KAT14: variants seen among roughly 807,000 people sequenced by gnomAD.
KAT14 encodes the protein cysteine-rich protein 2-binding protein.
A neutral mutation model predicts 78.4 loss-of-function variants in KAT14; 66 were observed. The observed-to-expected ratio is 0.84, with a 90% CI of 0.69 to 1.03. The LOEUF (loss-of-function observed/expected upper bound fraction) is 1.03, where lower values mean the gene tolerates loss of function less well. Among genes scored for constraint, KAT14 ranks in the 50% least tolerant of loss-of-function variants. KAT14 has a pLI of 0.00. For missense variants in KAT14, 870 were observed against 972.5 expected (o/e 0.89, Z 1.40); for synonymous variants, 344 against 359.4 (o/e 0.96, Z 0.48).
chr20:18,137,765 T>G (rs530956380), upstream of KAT14: 1 of 520,310 alleles, frequency 1.9e-6, no homozygotes, highest in Middle Eastern at 5.4e-4. Context: ...CAAGAGTTCG[T>G]AGAGCCTGGG....
chr20:18,187,508 T>A lies in KAT14; in HGVS notation c.*49T>A. ...CGCATGTGCTATTGGAGAACAGGTC[T>A]TTGTGGAGATCTAAAGGCAGTGATT... On this transcript the variant is annotated 3_prime_UTR_variant, in exon 11 of 11. Coordinates refer to ENST00000688188, the MANE Select transcript of KAT14 (RefSeq NM_001392073.1). The A allele has an allele frequency of 6.2e-7, 1 of 1,608,244 alleles. No homozygotes were observed. The highest frequency in any genetic ancestry group is 2.2e-5 in the East Asian group (1 of 44,642).
At chr20:18,164,517 A>G (rs1165162365) in intron 7 of KAT14, among the ~76,000 whole-genome samples, 1 of 151,930 alleles carries the variant, frequency 6.6e-6, no homozygotes, top group African/African-American at 2.4e-5. Flanking sequence ...CACCCTGCTT[A>G]GCTTCACCAC....
chr20:18,172,766 G>A (rs181639768), intron 7 of KAT14, among the ~76,000 whole-genome samples: 54 of 152,276 alleles, frequency 3.5e-4, no homozygotes, highest in Non-Finnish European at 4.0e-4. Flanking sequence ...GTGTCTTCAA[G>A]CTGTGTTTTT....
intron 4 of KAT14, among the ~76,000 whole-genome samples, chr20:18,151,280 G>A (rs1461292272): frequency 6.6e-6 from 1 of 151,880 alleles, no homozygotes; most frequent in Non-Finnish European, 1.5e-5. Context: ...CACTGCAACC[G>A]CCACCTCCCG....
chr20:18,163,003 A>G (rs985293938), intron 7 of KAT14, 58 bp downstream of exon 7: 1 of 1,564,874 alleles, frequency 6.4e-7, no homozygotes, highest in South Asian at 1.2e-5. Context: ...TGGGGCAGGC[A>G]GCACTAGGCA....
rs1279826876 is a variant in KAT14 at position 18,139,559 on chromosome 20, A to G, written c.-454+1508A>G. The stretch of plus-strand genomic sequence containing the variant: ...TAAAAGTAACCCAGAGAATTTTAAC[A>G]CAGGACTAAGCACCATTGTGTTACA... On this transcript the variant is annotated intron_variant, in intron 1 of 10. Coordinates refer to ENST00000688188, the MANE Select transcript of KAT14 (RefSeq NM_001392073.1). Among the ~76,000 whole-genome samples, 3 of 152,160 alleles carry G rather than the reference A, an allele frequency of 2.0e-5. No homozygotes were observed. The East Asian group carries it at 5.8e-4, about 29-fold the overall frequency.
At chr20:18,185,008 C>T (rs1162709096) in intron 10 of KAT14, among the ~76,000 whole-genome samples, 1 of 152,098 alleles carries the variant, frequency 6.6e-6, no homozygotes, top group African/African-American at 2.4e-5. Flanking sequence ...TATTCAGACT[C>T]AGGTTTCATA....
rs759172600 is a variant in KAT14, at chr20:18,187,284, A to T, written c.2173-2A>T. 6.3e-7 allele frequency: 1 copy of T among 1,594,214 alleles called. No homozygotes were observed. The highest frequency in any genetic ancestry group is 8.5e-7 in the Non-Finnish European group (1 of 1,174,480). On this transcript the variant is annotated splice_acceptor_variant, in intron 10 of 10. Transcript: ENST00000688188. LOFTEE classifies it high-confidence loss of function. ...TCTTGTATTTTTCCACTCTTTTGGC[A>T]GACCTGCATGGGCAAGGACGTAACC...
intron 9 of KAT14, 111 bp downstream of exon 9, chr20:18,183,409 T>C: frequency 7.1e-7 from 1 of 1,398,944 alleles, no homozygotes; most frequent in Non-Finnish European, 9.3e-7. Flanking sequence ...TGATTTCGTT[T>C]AGTTTGTCTC....
At position 18,162,751 on chromosome 20, in the gene KAT14, C is replaced by T. The variant is rs368262295; in HGVS notation, c.1474C>T (p.Arg492Cys). 18 of 1,614,060 alleles carry T rather than the reference C, an allele frequency of 1.1e-5. No individual in the cohort carries two copies. Among genetic ancestry groups the T allele is most frequent in the Non-Finnish European group, 1.4e-5 (17 of 1,180,042 alleles). ...AMTPEARRLK[R>C]KLIVRQAKRD... ...GACTCCGGAAGCTCGGAGACTGAAA[C>T]GCAAACTGATTGTCAGACAAGCGAA... The change falls in exon 7 of 11, where the codon CGC becomes TGC. Residue 492 changes from arginine to cysteine, a missense_variant. Coordinates refer to ENST00000688188, the MANE Select transcript of KAT14 (RefSeq NM_001392073.1).
intron 7 of KAT14, among the ~76,000 whole-genome samples, chr20:18,164,507 C>G (rs80285187): frequency 2.0e-5 from 3 of 152,230 alleles, no homozygotes; most frequent in African/African-American, 7.2e-5. Context: ...TTTTGTAAAT[C>G]ACCCTGCTTA....
In KAT14 at chr20:18,145,344, G is replaced by A; in HGVS notation, c.371G>A (p.Trp124Ter). ...KEQYERLKLTWQQVVMLAMYN... is the reference protein window; with the variant it reads ...KEQYERLKLT ...CAGTATGAAAGGCTGAAGCTGACAT[G>A]GCAGCAAGTGAGTAAAAAGCCCTTC... Residue 124 changes from tryptophan to a stop codon, truncating the protein, a stop_gained, in exon 3 of 11, where the codon TGG becomes TAG. Transcript: ENST00000688188. LOFTEE classifies it high-confidence loss of function. 3.1e-6 allele frequency: 5 copies of A among 1,614,124 alleles called. No individual in the cohort carries two copies. In the East Asian group the frequency reaches 1.1e-4, roughly 36 times the overall value.
At chr20:18,181,364 C>CTTTTTTTTT (rs762890490) in intron 7 of KAT14, among the ~76,000 whole-genome samples, 57 of 106,796 alleles carry the variant, frequency 5.3e-4, no homozygotes, top group East Asian at 8.3e-4. Context: ...AATTTTGTTT[C>CTTTTTTTTT]TTTTTTTTTT....
At chr20:18,179,858 C>A (rs1165143931) in intron 7 of KAT14, among the ~76,000 whole-genome samples, 2 of 152,066 alleles carry the variant, frequency 1.3e-5, no homozygotes, top group Non-Finnish European at 1.5e-5. Context: ...TAATAGCACC[C>A]AAGTCACTTT....
rs534526366 is a variant in KAT14 at position 18,141,573 on chromosome 20, A to G, written c.-453-635A>G. ...ACTCGCCAAGTTTTTAAAGCATTAC[A>G]TATCAATTAAACTTTAAAAATTTAA... On this transcript the variant is annotated intron_variant, in intron 1 of 10. Transcript: ENST00000688188. Among the ~76,000 whole-genome samples the G allele has an allele frequency of 1.6e-3, 239 of 152,340 alleles. 1 individual carries two copies. The highest frequency in any genetic ancestry group is 5.4e-3 in the African/African-American group (225 of 41,574).
At chr20:18,161,662 T>C (rs1367963374) in intron 5 of KAT14, among the ~76,000 whole-genome samples, 161 bp from the exon 6 acceptor site, 1 of 152,210 alleles carries the variant, frequency 6.6e-6, no homozygotes, top group Admixed American at 6.5e-5. Flanking sequence ...GAAATGCTCA[T>C]TTGCAGCATT....
chr20:18,156,942 T>G (rs995463570), intron 4 of KAT14, among the ~76,000 whole-genome samples: 2 of 152,246 alleles, frequency 1.3e-5, no homozygotes, highest in Non-Finnish European at 2.9e-5. Flanking sequence ...TGGCCGATAA[T>G]TTTATAAACA....
At chr20:18,174,735 C>G (rs2038971553) in intron 7 of KAT14, among the ~76,000 whole-genome samples, 1 of 150,548 alleles carries the variant, frequency 6.6e-6, no homozygotes, top group Non-Finnish European at 1.5e-5. Context: ...GCGATCTCGG[C>G]TCACTGCAAC....
chr20:18,148,317 CT>C (rs1264351231), intron 3 of KAT14, among the ~76,000 whole-genome samples: 1 of 152,172 alleles, frequency 6.6e-6, no homozygotes, highest in African/African-American at 2.4e-5. Context: ...TCTCCTCTTC[CT>C]TGGTGACTCC....
Sources: gnomAD v4.1 joint callset for allele counts (sites outside exome capture counted in the v4.1 genomes callset) on GRCh38, gnomAD v4.1.1 for gene constraint, MANE v1.5 for transcripts, NCBI Gene and HGNC (gene_info 2026-07-23, HGNC 2026-07-21) for gene names.